FRMD4A: variants seen among roughly 807,000 people sequenced by gnomAD.
The protein encoded by FRMD4A is FERM domain-containing protein 4A.
Under a neutral mutation model 129.1 loss-of-function variants are expected in FRMD4A, and 29 were observed. The ratio of observed to expected loss-of-function variants is 0.22; its 90% CI spans 0.17 to 0.31. FRMD4A has a LOEUF of 0.31. FRMD4A is among the 10% of genes least tolerant of loss of function. FRMD4A has a pLI of 1.00. For missense variants in FRMD4A, 1,272 were observed against 1,375.8 expected, an observed-to-expected ratio of 0.92 and a Z score of 1.19; for synonymous variants, 634 against 571.6, an observed-to-expected ratio of 1.11 and a Z score of -1.56.
At chr10:13,903,240 TC>T (rs1020740064) in intron 2 of FRMD4A, among the ~76,000 whole-genome samples, 2 of 152,154 alleles carry the variant, frequency 1.3e-5, no homozygotes, top group African/African-American at 4.8e-5. Context: ...CACCTCCTGC[TC>T]CCCCCGTTCC....
chr10:14,206,007 C>T (rs1461816033), intron 2 of FRMD4A, among the ~76,000 whole-genome samples: 5 of 151,998 alleles, frequency 3.3e-5, no homozygotes, highest in Non-Finnish European at 5.9e-5. Context: ...CTGGAGGGAG[C>T]GGATTCAGAC....
chr10:13,995,195 A>G (rs545228641), intron 2 of FRMD4A, among the ~76,000 whole-genome samples: 1 of 152,328 alleles, frequency 6.6e-6, no homozygotes, highest in Non-Finnish European at 1.5e-5. Context: ...AGAGTCCCGA[A>G]GATATTTTTG....
At chr10:13,899,436 T>C (rs2094794893) in intron 2 of FRMD4A, among the ~76,000 whole-genome samples, 1 of 152,194 alleles carries the variant, frequency 6.6e-6, no homozygotes, top group African/African-American at 2.4e-5. Flanking sequence ...TTAATCATCA[T>C]GGGATTCCTA....
chr10:14,263,854 T>C (rs988968159), intron 2 of FRMD4A, among the ~76,000 whole-genome samples: 2 of 152,034 alleles, frequency 1.3e-5, no homozygotes, highest in African/African-American at 2.4e-5. Flanking sequence ...GCCAGGTCAG[T>C]TGTCAGCAAA....
At chr10:13,729,845 CA>C (rs772267081) in intron 12 of FRMD4A, among the ~76,000 whole-genome samples, 3 of 152,238 alleles carry the variant, frequency 2.0e-5, no homozygotes, top group East Asian at 3.9e-4. Context: ...TATTTCTTCC[CA>C]GGGGGGAGAT....
intron 2 of FRMD4A, among the ~76,000 whole-genome samples, chr10:13,947,609 C>T (rs1470733173): frequency 9.2e-6 from 1 of 109,100 alleles, no homozygotes; most frequent in East Asian, 3.0e-4. Context: ...CACACACGTG[C>T]ACACACACAC....
intron 2 of FRMD4A, among the ~76,000 whole-genome samples, chr10:14,096,444 TGGAGA>T (rs1836965924): frequency 1.3e-5 from 2 of 152,238 alleles, no homozygotes; most frequent in Admixed American, 6.5e-5. Flanking sequence ...GCAACAGTTA[TGGAGA>T]GAGACTTCTG....
At chr10:13,670,257 A>AC in intron 17 of FRMD4A, 149 bp downstream of exon 17, 1 of 713,854 alleles carries the variant, frequency 1.4e-6, no homozygotes, top group Non-Finnish European at 2.4e-6. Context: ...CCACATACTG[A>AC]CCGGCCAGCT....
intron 2 of FRMD4A, among the ~76,000 whole-genome samples, chr10:14,238,367 C>G (rs1284847683): frequency 6.6e-6 from 1 of 152,140 alleles, no homozygotes; most frequent in Non-Finnish European, 1.5e-5. Flanking sequence ...GTGTGGCGTT[C>G]GGCCAAGAAA....
chr10:13,923,504 A>G (rs2095096695), intron 2 of FRMD4A, among the ~76,000 whole-genome samples: 1 of 152,220 alleles, frequency 6.6e-6, no homozygotes, highest in Admixed American at 6.5e-5. Context: ...GTACACACAC[A>G]TAAACCGGGT....
chr10:13,662,576 G>A (rs889934974), intron 19 of FRMD4A, among the ~76,000 whole-genome samples: 6 of 152,102 alleles, frequency 3.9e-5, no homozygotes, highest in South Asian at 4.1e-4. Flanking sequence ...CTTCCCCGAC[G>A]TATGGTGGTG....
intron 2 of FRMD4A, among the ~76,000 whole-genome samples, chr10:13,957,932 C>CA (rs908240440): frequency 3.9e-5 from 6 of 152,066 alleles, no homozygotes; most frequent in Non-Finnish European, 7.4e-5. Flanking sequence ...TGCCTTTTTT[C>CA]TTTTTTTGAA....
chr10:13,667,178 C>T (rs1477731152), intron 17 of FRMD4A, among the ~76,000 whole-genome samples: 1 of 152,190 alleles, frequency 6.6e-6, no homozygotes, highest in Non-Finnish European at 1.5e-5. Flanking sequence ...TCCCAAAGTG[C>T]TGGGATTACA....
At chr10:13,909,497 C>G (rs1359682621) in intron 2 of FRMD4A, among the ~76,000 whole-genome samples, 3 of 152,110 alleles carry the variant, frequency 2.0e-5, no homozygotes, top group African/African-American at 7.2e-5. Context: ...ACAGTTGAGA[C>G]CAGCATGGAA....
intron 6 of FRMD4A, among the ~76,000 whole-genome samples, chr10:13,767,134 T>C (rs2092312673): frequency 6.6e-6 from 1 of 152,110 alleles, no homozygotes; most frequent in South Asian, 2.1e-4. Context: ...GGGGAGTTAT[T>C]AGATGTTTTC....
At chr10:14,230,604 T>A (rs1443862914) in intron 2 of FRMD4A, among the ~76,000 whole-genome samples, 3 of 152,228 alleles carry the variant, frequency 2.0e-5, no homozygotes, top group African/African-American at 4.8e-5. Context: ...CGAGAATTTT[T>A]AAAATTTTTT....
intron 2 of FRMD4A, among the ~76,000 whole-genome samples, chr10:14,025,384 T>C (rs1832943533): frequency 1.3e-5 from 2 of 152,200 alleles, no homozygotes; most frequent in African/African-American, 4.8e-5. Flanking sequence ...TTTTTAAGTG[T>C]ACTGTTCCGT....
At chr10:14,009,789 A>C (rs1220965019) in intron 2 of FRMD4A, among the ~76,000 whole-genome samples, 3 of 117,166 alleles carry the variant, frequency 2.6e-5, no homozygotes, top group Non-Finnish European at 6.1e-5. Flanking sequence ...GTGCAGTAGG[A>C]GAGTCAGTGA....
At chr10:14,107,301 A>G (rs771608016) in intron 2 of FRMD4A, among the ~76,000 whole-genome samples, 2 of 152,214 alleles carry the variant, frequency 1.3e-5, no homozygotes, top group Non-Finnish European at 2.9e-5. Context: ...CCTCAGTGTT[A>G]CACAATATAC....
Sources: allele counts gnomAD v4.1 joint callset (sites outside exome capture counted in the v4.1 genomes callset), GRCh38; gene constraint gnomAD v4.1.1; transcripts MANE v1.5; gene names NCBI Gene and HGNC (gene_info 2026-07-23, HGNC 2026-07-21).